Variants in RARB observed in about 807,000 individuals in gnomAD.
RARB encodes retinoic acid receptor beta.
RARB carries 17 observed loss-of-function variants against 51.9 expected under a neutral mutation model. The ratio of observed to expected loss-of-function variants is 0.33; its 90% CI spans 0.22 to 0.49. RARB has a LOEUF of 0.49. Among genes scored for constraint, RARB ranks in the 20% least tolerant of loss-of-function variants. RARB has a pLI of 0.99. For missense variants in RARB, 369 were observed against 550.8 expected (o/e 0.67, Z 3.30); for synonymous variants, 215 against 195.4 (o/e 1.10, Z -0.84).
chr3:25,219,529 C>T (rs918683893), intron 5 of RARB, among the ~76,000 whole-genome samples: 3 of 152,084 alleles, frequency 2.0e-5, no homozygotes, highest in African/African-American at 7.2e-5. Context: ...GTAACAAAAG[C>T]AAGGATCTAG....
intron 4 of RARB, among the ~76,000 whole-genome samples, chr3:25,159,142 G>A (rs1349916329): frequency 1.5e-5 from 2 of 131,484 alleles, no homozygotes; most frequent in Non-Finnish European, 3.3e-5. Context: ...CAAGAAAACT[G>A]TTCCAAATTG....
intron 1 of RARB, among the ~76,000 whole-genome samples, chr3:25,454,175 G>A (rs746665027): frequency 6.6e-6 from 1 of 152,208 alleles, no homozygotes; most frequent in African/African-American, 2.4e-5. Context: ...GTTCATACAC[G>A]CATGCGCACA....
At chr3:25,114,481 T>C (rs1210016231) in intron 3 of RARB, among the ~76,000 whole-genome samples, 1 of 152,210 alleles carries the variant, frequency 6.6e-6, no homozygotes, top group Non-Finnish European at 1.5e-5. Flanking sequence ...TGTAGGGATT[T>C]TACTTTGTGC....
chr3:24,887,725 T>C (rs910928878), intron 2 of RARB, among the ~76,000 whole-genome samples: 4 of 152,320 alleles, frequency 2.6e-5, no homozygotes, highest in Non-Finnish European at 4.4e-5. Context: ...AAATTATCTT[T>C]TTCCTTTCAG....
intron 4 of RARB, among the ~76,000 whole-genome samples, chr3:25,157,489 A>G (rs1700398065): frequency 2.6e-5 from 4 of 151,588 alleles, no homozygotes; most frequent in Admixed American, 2.6e-4. Flanking sequence ...CTGCAACCTC[A>G]GCCTCCCAGG....
At chr3:25,392,976 G>T (rs1032118202) in intron 5 of RARB, among the ~76,000 whole-genome samples, 10 of 152,010 alleles carry the variant, frequency 6.6e-5, no homozygotes, top group African/African-American at 2.4e-4. Context: ...CAGTTCTCAA[G>T]TGGAATGACT....
At chr3:25,577,127 A>G (rs1700968041) in intron 4 of RARB, among the ~76,000 whole-genome samples, 2 of 152,264 alleles carry the variant, frequency 1.3e-5, no homozygotes, top group South Asian at 4.2e-4. Flanking sequence ...ACCAGTAGGG[A>G]GGGGGTGACG....
chr3:25,067,810 G>A (rs1698691838), intron 3 of RARB, among the ~76,000 whole-genome samples: 1 of 151,970 alleles, frequency 6.6e-6, no homozygotes, highest in Non-Finnish European at 1.5e-5. Flanking sequence ...CACAGTTTTT[G>A]GCTAGAAACA....
chr3:25,191,123 C>T (rs1489851312), intron 5 of RARB, among the ~76,000 whole-genome samples: 1 of 152,058 alleles, frequency 6.6e-6, no homozygotes, highest in African/African-American at 2.4e-5. Context: ...ATGTTTCTTT[C>T]ATGTATTAAA....
intron 2 of RARB, among the ~76,000 whole-genome samples, chr3:25,497,619 T>G (rs1159909488): frequency 6.6e-6 from 1 of 152,154 alleles, no homozygotes; most frequent in Non-Finnish European, 1.5e-5. Flanking sequence ...GAGAGCTTAG[T>G]CCCAGATGGT....
intron 2 of RARB, among the ~76,000 whole-genome samples, chr3:25,052,635 G>C (rs1415015844): frequency 6.6e-6 from 1 of 152,144 alleles, no homozygotes; most frequent in Non-Finnish European, 1.5e-5. Flanking sequence ...GGAAAAGTTG[G>C]TTAGATTATA....
At chr3:25,569,971 C>A (rs1011253235) in intron 4 of RARB, 53 bp downstream of exon 4, 13 of 1,470,322 alleles carry the variant, frequency 8.8e-6, no homozygotes, top group Admixed American at 1.8e-5. Context: ...CTTGTACGTG[C>A]ATGTGTGCAG....
chr3:24,882,407 C>A (rs1490901509), intron 2 of RARB, among the ~76,000 whole-genome samples: 1 of 152,104 alleles, frequency 6.6e-6, no homozygotes, highest in Non-Finnish European at 1.5e-5. Flanking sequence ...GTATTATAAG[C>A]AATCTAGAGA....
At chr3:25,438,679 T>G (rs1231581715) in intron 1 of RARB, among the ~76,000 whole-genome samples, 3 of 152,296 alleles carry the variant, frequency 2.0e-5, no homozygotes, top group Admixed American at 2.0e-4. Context: ...AGGCTCCATG[T>G]GCTGTTACTC....
rs557735801 is a variant in RARB at position 25,538,540 on chromosome 3, A to G, written c.449-31218A>G. Among the ~76,000 whole-genome samples the G allele has an allele frequency of 3.9e-5, 6 of 152,294 alleles. No individual in the cohort carries two copies. The South Asian group carries it at 6.2e-4, about 16-fold the overall frequency. ...ATGGACCAGAGATGTTTGGTGTGCT[A>G]TTTGTTACTAGGCCCCACAAGTTAG... On this transcript the variant is annotated intron_variant, in intron 3 of 7. Coordinates refer to ENST00000330688, the MANE Select transcript of RARB (RefSeq NM_000965.5).
intron 5 of RARB, among the ~76,000 whole-genome samples, chr3:25,296,918 T>G (rs1023460208): frequency 6.6e-6 from 1 of 152,186 alleles, no homozygotes; most frequent in Admixed American, 6.5e-5. Flanking sequence ...TGAGAAGATA[T>G]GCCTTCAGTG....
At chr3:24,934,116 A>C (rs1695499872) in intron 2 of RARB, among the ~76,000 whole-genome samples, 1 of 152,018 alleles carries the variant, frequency 6.6e-6, no homozygotes. Flanking sequence ...TTTTGCCAAG[A>C]GGTATTGCTG....
At chr3:25,487,324 T>C (rs1696522376) in intron 2 of RARB, among the ~76,000 whole-genome samples, 1 of 152,216 alleles carries the variant, frequency 6.6e-6, no homozygotes, top group Non-Finnish European at 1.5e-5. Context: ...GCGTGCGATG[T>C]GGTTTCACCT....
chr3:25,579,714 G>A (rs934293334), intron 4 of RARB, among the ~76,000 whole-genome samples: 1 of 152,108 alleles, frequency 6.6e-6, no homozygotes, highest in Non-Finnish European at 1.5e-5. Flanking sequence ...CCAGTTCATT[G>A]GTTTTGTGGA....
Sources: gnomAD v4.1 joint callset for allele counts (sites outside exome capture counted in the v4.1 genomes callset) on GRCh38, gnomAD v4.1.1 for gene constraint, MANE v1.5 for transcripts, NCBI Gene and HGNC (gene_info 2026-07-23, HGNC 2026-07-21) for gene names.